Variants in PIWIL2 observed in about 807,000 individuals in gnomAD.
PIWIL2 encodes the protein piwi like RNA-mediated gene silencing 2.
Under a neutral mutation model 116.5 loss-of-function variants are expected in PIWIL2, and 81 were observed. The observed-to-expected ratio is 0.70, with a 90% CI of 0.58 to 0.84. The LOEUF (loss-of-function observed/expected upper bound fraction) is 0.84, where lower values mean the gene tolerates loss of function less well. Among genes scored for constraint, PIWIL2 ranks in the 40% least tolerant of loss-of-function variants. The probability of loss-of-function intolerance (pLI) is 0.00; values close to 1 mark genes in which losing one functional copy is unlikely to be tolerated. For synonymous variants in PIWIL2, 489 were observed against 429.5 expected (o/e 1.14, Z -1.71); for missense variants, 1,272 against 1,212.3 (o/e 1.05, Z -0.73).
rs1335797050 is a variant in PIWIL2 at position 22,283,238 on chromosome 8, A to G, written c.630A>G (p.Glu210=). The change falls in exon 5 of 23, where the codon GAA becomes GAG. Residue 210 remains glutamate (E), a splice_region_variant and synonymous_variant. Coordinates refer to ENST00000356766, the MANE Select transcript of PIWIL2 (RefSeq NM_018068.5). ...RPLVLTVEHK[E]KELIVKQGSK... is the part of the protein sequence containing the mutation. ...TGGTCCTGACTGTGGAACACAAGGA[A>G]AAGTAAGTCAGGAGCACTGCCTTCT... 3 of 1,611,558 alleles carry G rather than the reference A, an allele frequency of 1.9e-6. No individual in the cohort carries two copies. The highest frequency in any genetic ancestry group is 8.5e-7 in the Non-Finnish European group (1 of 1,178,108).
chr8:22,320,905 T>G (rs1586576902), intron 20 of PIWIL2, among the ~76,000 whole-genome samples: 1 of 152,196 alleles, frequency 6.6e-6, no homozygotes, highest in South Asian at 2.1e-4. Context: ...TGTGGCTATT[T>G]TGTAAAAGTG....
chr8:22,283,705 G>T (rs1009800057), intron 5 of PIWIL2, among the ~76,000 whole-genome samples: 1 of 152,180 alleles, frequency 6.6e-6, no homozygotes, highest in African/African-American at 2.4e-5. Context: ...CACTGTGTCC[G>T]GCCAAGGTGG....
chr8:22,281,614 C>A (rs1830504392), intron 4 of PIWIL2, 99 bp downstream of exon 4: 3 of 998,656 alleles, frequency 3.0e-6, no homozygotes, highest in Non-Finnish European at 2.9e-6. Flanking sequence ...ATCTCATAAT[C>A]AATGTCTGGT....
chr8:22,355,384 G>T lies in PIWIL2; in HGVS notation c.2801G>T (p.Trp934Leu). 6.2e-7 allele frequency: 1 copy of T among 1,614,136 alleles called. No individual in the cohort carries two copies. The highest frequency in any genetic ancestry group is 8.5e-7 in the Non-Finnish European group (1 of 1,179,992). ...AAACTGTGCCACATGTACTGGAATTGGCCTGGCACCATCAGAGTTCCAGCT... is the reference window on the plus strand; with the variant it reads ...AAACTGTGCCACATGTACTGGAATTTGCCTGGCACCATCAGAGTTCCAGCT... Reference protein sequence around the residue: ...TFKLCHMYWNWPGTIRVPAPC... With the variant: ...TFKLCHMYWNLPGTIRVPAPC... Residue 934 changes from tryptophan to leucine, a missense_variant, in exon 23 of 23, where the codon TGG (tryptophan) becomes TTG (leucine). Trp to Leu is a moderately conservative substitution (Grantham distance 61, BLOSUM62 -2). Transcript: ENST00000356766.
intron 19 of PIWIL2, among the ~76,000 whole-genome samples, chr8:22,317,602 G>A (rs1831491637): frequency 6.6e-6 from 1 of 150,838 alleles, no homozygotes; most frequent in African/African-American, 2.4e-5. Context: ...TTTTTCTATT[G>A]GAGCAGTTTT....
intron 20 of PIWIL2, among the ~76,000 whole-genome samples, chr8:22,327,673 AT>A (rs1204836859): frequency 2.6e-5 from 4 of 152,180 alleles, no homozygotes; most frequent in African/African-American, 9.6e-5. Flanking sequence ...GGCTTGAATC[AT>A]CACTGTTGTG....
chr8:22,299,077 T>G (rs1830981901), intron 10 of PIWIL2, among the ~76,000 whole-genome samples: 1 of 152,242 alleles, frequency 6.6e-6, no homozygotes, highest in Non-Finnish European at 1.5e-5. Context: ...TTTTATTTTA[T>G]TCTCAGGAGT....
chr8:22,335,232 T>G (rs576996089), intron 20 of PIWIL2, among the ~76,000 whole-genome samples: 4 of 151,828 alleles, frequency 2.6e-5, no homozygotes, highest in Non-Finnish European at 5.9e-5. Flanking sequence ...GAAGAACAAA[T>G]AGCAAAAAGG....
At chr8:22,292,557 G>A (rs903529279) in intron 10 of PIWIL2, among the ~76,000 whole-genome samples, 2 of 152,260 alleles carry the variant, frequency 1.3e-5, no homozygotes, top group South Asian at 2.1e-4. Flanking sequence ...CTCTGGCAGA[G>A]GCCGTGTCTT....
intron 1 of PIWIL2, among the ~76,000 whole-genome samples, chr8:22,277,905 A>G (rs1830414123): frequency 6.6e-6 from 1 of 152,204 alleles, no homozygotes. Flanking sequence ...ACAGTGGCTC[A>G]CACCTGTAAT....
At chr8:22,330,985 G>A (rs922820013) in intron 20 of PIWIL2, among the ~76,000 whole-genome samples, 8 of 152,008 alleles carry the variant, frequency 5.3e-5, no homozygotes, top group Non-Finnish European at 1.0e-4. Flanking sequence ...GACCAGCCTG[G>A]CCAACATGGT....
chr8:22,351,238 G>A (rs530184213), intron 20 of PIWIL2, among the ~76,000 whole-genome samples: 5 of 151,150 alleles, frequency 3.3e-5, no homozygotes, highest in African/African-American at 1.2e-4. Context: ...AGGATCTCTT[G>A]AGCTTGGGAG....
Position 22,311,259 on chromosome 8 carries a change from G to A in PIWIL2, c.1948G>A (p.Glu650Lys). The change falls in exon 16 of 23, where the codon GAG becomes AAG. Residue 650 changes from glutamate to lysine, a missense_variant. Glu to Lys is a moderately conservative substitution (Grantham distance 56, BLOSUM62 1). Transcript: ENST00000356766. The stretch of plus-strand genomic sequence containing the variant: ...GGTTGAACTAAAGGATGACCGAATA[G>A]AGACTTATGTCAGAACCATTCAATC... ...AWVELKDDRI[E>K]TYVRTIQSTL... The A allele has an allele frequency of 1.2e-6, 2 of 1,614,152 alleles. No homozygotes were observed. The highest frequency in any genetic ancestry group is 1.7e-6 in the Non-Finnish European group (2 of 1,180,010).
intron 20 of PIWIL2, among the ~76,000 whole-genome samples, chr8:22,338,219 GT>G (rs1832025537): frequency 1.3e-5 from 2 of 152,196 alleles, no homozygotes; most frequent in Non-Finnish European, 2.9e-5. Flanking sequence ...TATCTTTGCA[GT>G]TTGTGTGATT....
chr8:22,351,513 G>T lies in PIWIL2; in HGVS notation c.2404-1446G>T, dbSNP rs190283481. On this transcript the variant is annotated intron_variant, in intron 20 of 22. Transcript: ENST00000356766. ...ATATCTAAACCTAATTCATAATTTA[G>T]GTTTTTTTGGTGTTTTTTTTTTGTT... 2.3e-3 allele frequency among the ~76,000 whole-genome samples: 266 copies of T among 113,598 alleles called. 2 individuals carry two copies. The highest frequency in any genetic ancestry group is 7.9e-3 in the African/African-American group (256 of 32,342). The allele number at this position is 113,598 out of a possible 152,430, so 74.5% of individuals were successfully genotyped here.
Position 22,306,029 on chromosome 8 carries a change from T to A in PIWIL2, c.1545+13T>A, listed in dbSNP as rs368978848. ...CAGAGCCATGAAGGTTGGAGTCCTG[T>A]GTTTTCAGCCGGAAATGCCCACTTT... On this transcript the variant is annotated intron_variant, in intron 13 of 22. Transcript: ENST00000356766. 153 of 1,592,644 alleles carry A rather than the reference T, an allele frequency of 9.6e-5. No individual in the cohort carries two copies. The highest frequency in any genetic ancestry group is 1.1e-4 in the Non-Finnish European group (132 of 1,160,580).
rs1433741083 is a variant in PIWIL2 at position 22,289,913 on chromosome 8, A to C, written c.1053A>C (p.Val351=). Residue 351 remains valine (V), a synonymous_variant, in exon 9 of 23, where the codon GTA becomes GTC. Transcript: ENST00000356766. ...TTTATGACCCTACAAGTGCTATGGT[A>C]CTACAGCAACACAGGTTGGTACTTT... ...RNFYDPTSAM[V]LQQHRLQIWP... 6.2e-7 allele frequency: 1 copy of C among 1,607,758 alleles called. No individual in the cohort carries two copies. Among genetic ancestry groups the C allele is most frequent in the Admixed American group, 1.7e-5 (1 of 59,972 alleles).
intron 20 of PIWIL2, among the ~76,000 whole-genome samples, chr8:22,332,446 T>C (rs1010030027): frequency 6.6e-6 from 1 of 152,066 alleles, no homozygotes; most frequent in African/African-American, 2.4e-5. Flanking sequence ...GTGAGGAATG[T>C]TCCAAAACTG....
intron 20 of PIWIL2, among the ~76,000 whole-genome samples, chr8:22,328,215 C>T (rs1051574785): frequency 1.3e-5 from 2 of 152,170 alleles, no homozygotes; most frequent in Non-Finnish European, 2.9e-5. Flanking sequence ...GAAATCTTGG[C>T]ACCCTACTTG....
Sources: gnomAD v4.1 joint callset for allele counts (sites outside exome capture counted in the v4.1 genomes callset) on GRCh38, gnomAD v4.1.1 for gene constraint, MANE v1.5 for transcripts, NCBI Gene and HGNC (gene_info 2026-07-23, HGNC 2026-07-21) for gene names.